The following LIMCH1 variants were observed in gnomAD, a reference collection of about 807,000 sequenced individuals.
LIMCH1 encodes LIM and calponin homology domains-containing protein 1.
Under a neutral mutation model 176.5 loss-of-function variants are expected in LIMCH1, and 113 were observed. That is an observed-to-expected ratio of 0.64 (90% CI 0.55 to 0.75). The LOEUF (loss-of-function observed/expected upper bound fraction) is 0.75. Ranked by LOEUF, LIMCH1 falls within the 30% of genes least tolerant of loss-of-function variation. The pLI is 0.00. For missense variants in LIMCH1, 1,674 were observed against 1,814.9 expected, an observed-to-expected ratio of 0.92 and a Z score of 1.41; for synonymous variants, 619 against 645.9, an observed-to-expected ratio of 0.96 and a Z score of 0.63.
intron 1 of LIMCH1, among the ~76,000 whole-genome samples, chr4:41,581,819 A>C (rs983021553): frequency 1.3e-5 from 2 of 150,784 alleles, no homozygotes; most frequent in Non-Finnish European, 3.0e-5. Flanking sequence ...AAAAAAAAAA[A>C]AAAAAAAAAA....
intron 1 of LIMCH1, among the ~76,000 whole-genome samples, chr4:41,570,867 A>C (rs1178195282): frequency 6.6e-6 from 1 of 152,164 alleles, no homozygotes; most frequent in Non-Finnish European, 1.5e-5. Flanking sequence ...AAACAGAGAA[A>C]CAGTGGAAAG....
rs892885808 is a variant in LIMCH1, at chr4:41,631,258, C to T, written c.1382C>T (p.Ala461Val). Residue 461 changes from alanine (A) to valine (V), a missense_variant, in exon 10 of 32, where the codon GCT becomes GTT. Transcript: ENST00000503057. Reference protein sequence around the residue: ...ANRKARASKKASSPRQKFVHF... With the variant: ...ANRKARASKKVSSPRQKFVHF... Reference sequence around the variant, plus strand: ...CGCAAAGCAAGGGCCTCTAAGAAAGCTTCCAGCCCCAGGCAAAAGTTTGTG... The same window carrying T: ...CGCAAAGCAAGGGCCTCTAAGAAAGTTTCCAGCCCCAGGCAAAAGTTTGTG... 9.8e-6 allele frequency: 15 copies of T among 1,536,126 alleles called. No individual in the cohort carries two copies. In the African/African-American group the frequency reaches 1.9e-4, roughly 20 times the overall value.
In LIMCH1 at chr4:41,409,482, T is replaced by A. The variant is rs562998109; in HGVS notation, c.96+48546T>A. Among the ~76,000 whole-genome samples the A allele has an allele frequency of 3.3e-5, 5 of 152,334 alleles. 1 individual carries two copies. The highest frequency in any genetic ancestry group is 1.2e-4 in the African/African-American group (5 of 41,586). ...AGAAAATGTATCTAGTGATAACTAG[T>A]AATAGCTTGACATTGGGAAAATATT... On this transcript the variant is annotated intron_variant, in intron 1 of 26. Coordinates refer to the LIMCH1 transcript ENST00000313860.
At chr4:41,442,491 A>C (rs2062810200) in intron 1 of LIMCH1, among the ~76,000 whole-genome samples, 1 of 152,162 alleles carries the variant, frequency 6.6e-6, no homozygotes, top group Non-Finnish European at 1.5e-5. Flanking sequence ...GTATTCATGG[A>C]GCAAATGGAT....
intron 31 of LIMCH1, 103 bp downstream of exon 31, chr4:41,692,487 CT>C: frequency 1.4e-6 from 1 of 694,236 alleles, no homozygotes; most frequent in South Asian, 1.8e-5. Context: ...CGTTGACACT[CT>C]AATCTGAGAG....
At chr4:41,535,180 AAAAAG>A (rs1561663947), upstream of LIMCH1, among the ~76,000 whole-genome samples, 9 of 142,336 alleles carry the variant, frequency 6.3e-5, no homozygotes, top group Non-Finnish European at 1.5e-5. Flanking sequence ...AAAAAAAAAA[AAAAAG>A]AAAAGAAAAG....
chr4:41,361,700 C>T (rs1050688631), intron 1 of LIMCH1, among the ~76,000 whole-genome samples: 8 of 152,188 alleles, frequency 5.3e-5, no homozygotes, highest in African/African-American at 1.9e-4. Flanking sequence ...GCTCTCAGTC[C>T]CGGAAGCGCT....
In LIMCH1 at chr4:41,514,260, G is replaced by A. The variant is rs575453463; in HGVS notation, c.168-10149G>A. 2.6e-5 allele frequency among the ~76,000 whole-genome samples: 4 copies of A among 152,186 alleles called. No individual in the cohort carries two copies. The East Asian group carries it at 7.7e-4, about 29-fold the overall frequency. ...GACTAACCCTTTGCCTGATGAAGAA[G>A]CCAGATAGTTTCTGTGATGTGTGAT... On this transcript the variant is annotated intron_variant, in intron 2 of 26. Coordinates refer to the LIMCH1 transcript ENST00000313860.
intron 14 of LIMCH1, among the ~76,000 whole-genome samples, chr4:41,640,814 A>T (rs1472288644): frequency 6.6e-6 from 1 of 152,192 alleles, no homozygotes; most frequent in East Asian, 1.9e-4. Flanking sequence ...GCCCAATCAA[A>T]AAAAAGATGA....
At chr4:41,600,375 G>A (rs990019747) in intron 2 of LIMCH1, among the ~76,000 whole-genome samples, 6 of 152,032 alleles carry the variant, frequency 3.9e-5, no homozygotes, top group Admixed American at 2.6e-4. Context: ...AGTTTCACCC[G>A]GGTGGCAAGT....
At chr4:41,612,492 A>T (rs2091552188) in intron 4 of LIMCH1, 3 of 701,672 alleles carry the variant, frequency 4.3e-6, no homozygotes, top group Non-Finnish European at 7.8e-6. Context: ...GGATGATATT[A>T]AATTGAGGTT....
intron 1 of LIMCH1, among the ~76,000 whole-genome samples, chr4:41,463,564 C>CT (rs759313591): frequency 0.014 from 2,046 of 141,618 alleles, 43 homozygotes; most frequent in African/African-American, 0.048. Context: ...TCTCCCAATC[C>CT]TTTTTTTTTT....
chr4:41,587,960 G>A (rs1235211770), intron 1 of LIMCH1, among the ~76,000 whole-genome samples: 1 of 151,916 alleles, frequency 6.6e-6, no homozygotes, highest in African/African-American at 2.4e-5. Context: ...TATACTTTAA[G>A]TTTTAGGGTA....
chr4:41,641,339 A>G (rs1275050761), intron 14 of LIMCH1, among the ~76,000 whole-genome samples: 1 of 151,998 alleles, frequency 6.6e-6, no homozygotes, highest in Non-Finnish European at 1.5e-5. Flanking sequence ...CTGAATGACA[A>G]CTCAGCCCAT....
At position 41,644,537 on chromosome 4, in the gene LIMCH1, G is replaced by T. The variant is rs747489945; in HGVS notation, c.2164G>T (p.Ala722Ser). 1 of 1,596,664 alleles carries T rather than the reference G, an allele frequency of 6.3e-7. No homozygotes were observed. Among genetic ancestry groups the T allele is most frequent in the Non-Finnish European group, 8.5e-7 (1 of 1,171,904 alleles). Residue 722 changes from alanine (A) to serine (S), a missense_variant, in exon 15 of 32, where the codon GCC (alanine) becomes TCC (serine). This residue lies in a region of LIMCH1 where 1,015 missense variants were observed against 1,102.5 expected (regional missense o/e 0.92). Coordinates refer to ENST00000503057, the MANE Select transcript of LIMCH1 (RefSeq NM_001330672.2). ...GTTTGACATGCGGTGTGAGGAGGAG[G>T]CCGCGGTGCAGCCGCACAGCAGGGC... is the stretch of plus-strand genomic sequence containing the variant. ...SMFDMRCEEE[A>S]AVQPHSRARQ... is the part of the protein sequence containing the mutation.
rs142187301 is a variant in LIMCH1 at position 41,526,760 on chromosome 4, T to C, written c.237+2282T>C. Among the ~76,000 whole-genome samples the C allele has an allele frequency of 2.3e-3, 349 of 152,358 alleles. 2 individuals are homozygous for C. Among genetic ancestry groups the C allele is most frequent in the African/African-American group, 8.2e-3 (343 of 41,578 alleles). On this transcript the variant is annotated intron_variant, in intron 3 of 26. Transcript: ENST00000313860. ...AAACTTAACATATTCAAATGGGACT[T>C]GCATCACCAGTCCTGTGCACCTATT...
chr4:41,670,938 T>C, intron 21 of LIMCH1: 2 of 1,386,650 alleles, frequency 1.4e-6, no homozygotes, highest in Middle Eastern at 1.9e-4. Context: ...AGTTCTTTTA[T>C]ATTACTACCA....
At chr4:41,460,463 T>TATATATCTATATATATATATATATAG (rs1284072270) in intron 1 of LIMCH1, among the ~76,000 whole-genome samples, 8 of 139,740 alleles carry the variant, frequency 5.7e-5, no homozygotes, top group African/African-American at 2.3e-4. Flanking sequence ...ATCATCTATA[T>TATATATCTATATATATATATATATAG]ATATATATAT....
chr4:41,601,074 T>C (rs530679968), intron 2 of LIMCH1, among the ~76,000 whole-genome samples: 1 of 152,304 alleles, frequency 6.6e-6, no homozygotes, highest in Non-Finnish European at 1.5e-5. Flanking sequence ...CTTTAGGCAA[T>C]ACTTTGCCAT....
Sources: allele counts gnomAD v4.1 joint callset (sites outside exome capture counted in the v4.1 genomes callset), GRCh38; gene constraint gnomAD v4.1.1; regional missense constraint gnomAD v4.1.1; transcripts MANE v1.5; gene names NCBI Gene and HGNC (gene_info 2026-07-23, HGNC 2026-07-21).